Variants in PLB1 observed in about 807,000 individuals in gnomAD.
PLB1 encodes phospholipase B1.
PLB1 carries 242 observed loss-of-function variants against 227.4 expected under a neutral mutation model. The observed-to-expected ratio is 1.06, with a 90% CI of 0.96 to 1.18. The LOEUF (loss-of-function observed/expected upper bound fraction) is 1.18. Among genes scored for constraint, PLB1 ranks in the 50% most tolerant of loss-of-function variants. PLB1 has a pLI of 0.00. For missense variants in PLB1, 1,858 were observed against 1,816.3 expected (o/e 1.02, Z -0.42); for synonymous variants, 757 against 682.2 (o/e 1.11, Z -1.71).
At chr2:28,578,196 C>A in intron 22 of PLB1, 38 bp downstream of exon 22, 1 of 1,599,048 alleles carries the variant, frequency 6.3e-7, no homozygotes. Flanking sequence ...GGAAAAATCC[C>A]TGGACACAGA....
At chr2:28,553,500 T>A (rs1176587189) in intron 17 of PLB1, among the ~76,000 whole-genome samples, 1 of 152,170 alleles carries the variant, frequency 6.6e-6, no homozygotes, top group Non-Finnish European at 1.5e-5. Flanking sequence ...AATGGGGTGT[T>A]CTAGGCAGTC....
At chr2:28,523,523 G>T (rs1017768337) in intron 4 of PLB1, among the ~76,000 whole-genome samples, 3 of 151,960 alleles carry the variant, frequency 2.0e-5, no homozygotes, top group Non-Finnish European at 4.4e-5. Context: ...AGGGAAAGTG[G>T]CTGGGAGTGG....
At chr2:28,550,624 T>G (rs1049088372) in intron 16 of PLB1, among the ~76,000 whole-genome samples, 1 of 151,078 alleles carries the variant, frequency 6.6e-6, no homozygotes, top group African/African-American at 2.4e-5. Flanking sequence ...CACTGTAACC[T>G]TAGCCTCCTG....
At chr2:28,534,104 G>GT (rs1017613606) in intron 9 of PLB1, among the ~76,000 whole-genome samples, 1 of 152,076 alleles carries the variant, frequency 6.6e-6, no homozygotes, top group Non-Finnish European at 1.5e-5. Context: ...CTACTGAACA[G>GT]TTTTTTTCAC....
chr2:28,502,450 G>T (rs113899573), intron 1 of PLB1, among the ~76,000 whole-genome samples: 10 of 151,974 alleles, frequency 6.6e-5, no homozygotes, highest in African/African-American at 2.4e-4. Flanking sequence ...TTTGTTAAAG[G>T]CCTTTTCAGC....
chr2:28,563,274 C>T (rs570705719), intron 18 of PLB1, among the ~76,000 whole-genome samples, 175 bp downstream of exon 18: 2 of 152,286 alleles, frequency 1.3e-5, no homozygotes, highest in South Asian at 4.2e-4. Flanking sequence ...ACAGCATTCC[C>T]TTCCCATCAT....
intron 43 of PLB1, among the ~76,000 whole-genome samples, chr2:28,610,828 C>A (rs1685341985): frequency 6.6e-6 from 1 of 152,092 alleles, no homozygotes; most frequent in Middle Eastern, 3.2e-3. Flanking sequence ...AGGCAGCCCA[C>A]ACCGTCTTTG....
Position 28,617,782 on chromosome 2 carries a change from C to T in PLB1, c.3251C>T (p.Thr1084Ile), listed in dbSNP as rs1017279751. 6.2e-7 allele frequency: 1 copy of T among 1,613,638 alleles called. No homozygotes were observed. The highest frequency in any genetic ancestry group is 1.3e-5 in the African/African-American group (1 of 74,910). Residue 1084 changes from threonine (T) to isoleucine (I), a missense_variant, in exon 45 of 58, where the codon ACC becomes ATC. Thr to Ile is a moderately conservative substitution (Grantham distance 89). Transcript: ENST00000327757. ...TEWKASNSVP[T>I]SVHQLRPADI... ...TGGAAGGCTTCCAATAGTGTTCCAA[C>T]CTCTGGTGAGTGAAAACATCATCAT...
intron 8 of PLB1, among the ~76,000 whole-genome samples, chr2:28,530,701 G>C (rs1404872106): frequency 6.6e-6 from 1 of 152,238 alleles, no homozygotes; most frequent in Non-Finnish European, 1.5e-5. Flanking sequence ...CTAGCAAACT[G>C]TATCTAACTA....
intron 43 of PLB1, 70 bp downstream of exon 43, chr2:28,606,637 C>T: frequency 1.4e-6 from 2 of 1,396,138 alleles, no homozygotes. Flanking sequence ...CCCACTTCGT[C>T]CTCCACCACA....
At chr2:28,497,831 GC>G (rs1256426858) in intron 1 of PLB1, among the ~76,000 whole-genome samples, 3 of 151,710 alleles carry the variant, frequency 2.0e-5, no homozygotes, top group African/African-American at 7.3e-5. Context: ...CAATTCCCCT[GC>G]CTCAGCCTCC....
At chr2:28,585,702 C>A in intron 25 of PLB1, 59 bp from the exon 26 acceptor site, 1 of 1,351,002 alleles carries the variant, frequency 7.4e-7, no homozygotes, top group Non-Finnish European at 1.1e-6. Flanking sequence ...GTTTCTGCAT[C>A]ACTTATTCAG....
intron 57 of PLB1, 75 bp downstream of exon 57, chr2:28,641,076 G>A (rs1689921172): frequency 7.1e-7 from 1 of 1,411,688 alleles, no homozygotes; most frequent in African/African-American, 1.4e-5. Flanking sequence ...TGGAAGCACA[G>A]AGGAGTCCCC....
chr2:28,617,596 C>A, intron 44 of PLB1, 131 bp from the exon 45 acceptor site: 3 of 852,294 alleles, frequency 3.5e-6, no homozygotes, highest in Non-Finnish European at 5.9e-6. Flanking sequence ...AGTTCTTTCC[C>A]TCACATGATC....
At position 28,643,013 on chromosome 2, in the gene PLB1, T is replaced by G; in HGVS notation, c.4329T>G (p.Gly1443=). 6.2e-7 allele frequency: 1 copy of G among 1,610,594 alleles called. No homozygotes were observed. The highest frequency in any genetic ancestry group is 8.5e-7 in the Non-Finnish European group (1 of 1,178,762). Residue 1443 remains glycine (G), a synonymous_variant, in exon 58 of 58, where the codon GGT becomes GGG. Transcript: ENST00000327757. ...CAGTGGTCTGGAGGTGCAGGAGAGG[T>G]GGCCGGAGGGAAGATCCTCCAATGA... ...IGTVVWRCRR[G]GRREDPPMSL... is the part of the protein sequence containing the mutation.
At chr2:28,600,701 G>C (rs1330717350) in intron 35 of PLB1, 108 bp from the exon 36 acceptor site, 1 of 996,804 alleles carries the variant, frequency 1.0e-6, no homozygotes, top group Non-Finnish European at 1.5e-6. Flanking sequence ...ATCTCTGCCA[G>C]CTCATGCAGT....
intron 20 of PLB1, among the ~76,000 whole-genome samples, chr2:28,571,058 G>A (rs1677931354): frequency 6.6e-6 from 1 of 152,154 alleles, no homozygotes; most frequent in Non-Finnish European, 1.5e-5. Flanking sequence ...TCTATTTAAA[G>A]ATGAGATGAT....
rs1317139308 is a variant in PLB1 at position 28,597,988 on chromosome 2, T to C, written c.2322-17T>C. The C allele has an allele frequency of 6.2e-7, 1 of 1,610,318 alleles. No homozygotes were observed. The stretch of plus-strand genomic sequence containing the variant: ...ATGTCTCTCCCTCTCATTCACTGGC[T>C]TGCTCACTCCCTACAGTGCAGGAGG... On this transcript the variant is annotated splice_polypyrimidine_tract_variant and intron_variant, in intron 33 of 57. Coordinates refer to ENST00000327757, the MANE Select transcript of PLB1 (RefSeq NM_153021.5).
At position 28,626,524 on chromosome 2, in the gene PLB1, A is replaced by G; in HGVS notation, c.3660+16A>G. 6.2e-7 allele frequency: 1 copy of G among 1,608,850 alleles called. No individual in the cohort carries two copies. The highest frequency in any genetic ancestry group is 8.5e-7 in the Non-Finnish European group (1 of 1,175,304). On this transcript the variant is annotated intron_variant, in intron 51 of 57. Transcript: ENST00000327757. The stretch of plus-strand genomic sequence containing the variant: ...TGAGAATCCGGTAGGCCCCCGACCA[A>G]CCCCATGGGGACCTGAGAAGGAAGG...
Sources: gnomAD v4.1 joint callset for allele counts (sites outside exome capture counted in the v4.1 genomes callset) on GRCh38, gnomAD v4.1.1 for gene constraint, MANE v1.5 for transcripts, NCBI Gene and HGNC (gene_info 2026-07-23, HGNC 2026-07-21) for gene names.